Variants in AFF3 observed in about 807,000 individuals in gnomAD.
The protein encoded by AFF3 is AF4/FMR2 family member 3.
A neutral mutation model predicts 129.7 loss-of-function variants in AFF3; 32 were observed. The ratio of observed to expected loss-of-function variants is 0.25; its 90% CI spans 0.19 to 0.33. The LOEUF (loss-of-function observed/expected upper bound fraction) is 0.33. Among genes scored for constraint, AFF3 ranks in the 10% least tolerant of loss-of-function variants. The pLI, the probability that AFF3 is intolerant of heterozygous loss-of-function variation, is 1.00. For synonymous variants in AFF3, 644 were observed against 635.4 expected (o/e 1.01, Z -0.20); for missense variants, 1,373 against 1,592.0 (o/e 0.86, Z 2.34).
At position 99,691,689 on chromosome 2, in the gene AFF3, C is replaced by G. The variant is rs140812449; in HGVS notation, c.1092-19100G>C. Among the ~76,000 whole-genome samples, 317 of 152,248 alleles carry G rather than the reference C, an allele frequency of 2.1e-3. 4 individuals are homozygous for G. The East Asian group carries it at 0.032, about 16-fold the overall frequency. On this transcript the variant is annotated intron_variant, in intron 11 of 24. Transcript: ENST00000672756. Reference sequence around the variant, plus strand: ...AGTAAAGTTGTATCACTTATCCTTCCTGTGGGGATAGAGTTGCAAAAATGC... The same window carrying G: ...AGTAAAGTTGTATCACTTATCCTTCGTGTGGGGATAGAGTTGCAAAAATGC...
At chr2:99,789,446 C>CAAAAA (rs34653301) in intron 8 of AFF3, among the ~76,000 whole-genome samples, 7 of 62,030 alleles carry the variant, frequency 1.1e-4, no homozygotes, top group African/African-American at 4.1e-4. Context: ...GCCCTGTCAC[C>CAAAAA]AAAAAAAAAA....
At chr2:99,634,516 G>A (rs1021076967) in intron 13 of AFF3, among the ~76,000 whole-genome samples, 3 of 152,128 alleles carry the variant, frequency 2.0e-5, no homozygotes, top group African/African-American at 7.2e-5. Flanking sequence ...AACAATATAT[G>A]GGCAGGGTTC....
chr2:99,687,231 T>C (rs1675151176), intron 11 of AFF3, among the ~76,000 whole-genome samples: 1 of 152,222 alleles, frequency 6.6e-6, no homozygotes, highest in African/African-American at 2.4e-5. Flanking sequence ...CTGAGGCACT[T>C]TGATCATTGT....
intron 7 of AFF3, among the ~76,000 whole-genome samples, chr2:99,957,766 A>C (rs1426059691): frequency 6.6e-6 from 1 of 152,196 alleles, no homozygotes; most frequent in Non-Finnish European, 1.5e-5. Context: ...GTGTGGAAAC[A>C]AAGGCTTGGT....
chr2:99,849,650 T>C (rs1690001391), intron 7 of AFF3, among the ~76,000 whole-genome samples: 2 of 152,214 alleles, frequency 1.3e-5, no homozygotes, highest in Non-Finnish European at 2.9e-5. Flanking sequence ...GATTATTTTA[T>C]TTTAGAATTA....
At chr2:100,112,204 C>T (rs954472966) in intron 2 of AFF3, among the ~76,000 whole-genome samples, 1 of 152,126 alleles carries the variant, frequency 6.6e-6, no homozygotes, top group Non-Finnish European at 1.5e-5. Context: ...ACAGAGAGGG[C>T]GAGTCAGTCT....
chr2:99,918,143 T>C (rs556663193), intron 7 of AFF3, among the ~76,000 whole-genome samples: 102 of 152,304 alleles, frequency 6.7e-4, no homozygotes, highest in African/African-American at 2.4e-3. Context: ...TATTTACTGG[T>C]TGCAGTTACA....
At chr2:99,637,729 C>T (rs575425791) in intron 13 of AFF3, among the ~76,000 whole-genome samples, 12 of 152,324 alleles carry the variant, frequency 7.9e-5, no homozygotes, top group Admixed American at 2.6e-4. Context: ...GTAGGGTAGA[C>T]AGCAGTGACA....
At chr2:100,128,778 CA>C (rs1692304529) in intron 2 of AFF3, among the ~76,000 whole-genome samples, 1 of 152,182 alleles carries the variant, frequency 6.6e-6, no homozygotes. Context: ...ATGGCCCTGT[CA>C]AAAGGTTTCG....
At chr2:99,698,588 T>A in intron 11 of AFF3, among the ~76,000 whole-genome samples, 1 of 152,232 alleles carries the variant, frequency 6.6e-6, no homozygotes, top group East Asian at 1.9e-4. Context: ...CAATAATTGC[T>A]ATCCATTTAA....
At chr2:99,718,546 T>C (rs1678587170) in intron 11 of AFF3, among the ~76,000 whole-genome samples, 1 of 152,052 alleles carries the variant, frequency 6.6e-6, no homozygotes, top group African/African-American at 2.4e-5. Flanking sequence ...TAGTAGTCCT[T>C]AGATTCTTAG....
chr2:99,965,319 AG>A (rs1442935848), intron 7 of AFF3, among the ~76,000 whole-genome samples: 1 of 152,218 alleles, frequency 6.6e-6, no homozygotes, highest in Non-Finnish European at 1.5e-5. Flanking sequence ...AACTACTTCC[AG>A]GGGAAAAGAA....
Position 99,942,101 on chromosome 2 carries a change from T to C in AFF3, c.873+64531A>G, listed in dbSNP as rs551097551. Reference sequence around the variant, plus strand: ...AGGCAGCCGCAGTCATCCCTTTCTCTAGTGAATCGTTCAGCACTTACTGAG... The same window carrying C: ...AGGCAGCCGCAGTCATCCCTTTCTCCAGTGAATCGTTCAGCACTTACTGAG... On this transcript the variant is annotated intron_variant, in intron 7 of 24. Transcript: ENST00000672756. Among the ~76,000 whole-genome samples the C allele has an allele frequency of 3.9e-4, 59 of 152,302 alleles. No individual in the cohort carries two copies. In the South Asian group the frequency reaches 9.3e-3, roughly 24 times the overall value.
chr2:99,716,240 C>T (rs147097449), intron 11 of AFF3, among the ~76,000 whole-genome samples: 163 of 152,240 alleles, frequency 1.1e-3, no homozygotes, highest in African/African-American at 3.8e-3. Context: ...AGGATGTTGA[C>T]CTACTGCTTT....
chr2:99,575,558 G>A (rs1195552553), intron 18 of AFF3, among the ~76,000 whole-genome samples: 2 of 151,974 alleles, frequency 1.3e-5, no homozygotes, highest in African/African-American at 4.8e-5. Context: ...ACCGCGCCTG[G>A]CCTATTTTTG....
At chr2:99,590,145 A>G (rs1301004992) in intron 15 of AFF3, among the ~76,000 whole-genome samples, 1 of 152,238 alleles carries the variant, frequency 6.6e-6, no homozygotes, top group East Asian at 1.9e-4. Context: ...GGGGATTTCA[A>G]GACCCTCTTT....
chr2:99,603,636 C>G (rs1323658775), intron 13 of AFF3, among the ~76,000 whole-genome samples: 1 of 152,174 alleles, frequency 6.6e-6, no homozygotes, highest in African/African-American at 2.4e-5. Context: ...CAAGTGACAT[C>G]TAATTAAGCT....
At chr2:99,816,574 G>A (rs997384777) in intron 8 of AFF3, among the ~76,000 whole-genome samples, 11 of 152,246 alleles carry the variant, frequency 7.2e-5, no homozygotes, top group Middle Eastern at 6.8e-3. Flanking sequence ...TATCTGCTTG[G>A]CTATGAGTGT....
chr2:99,892,488 G>T (rs1027141907), intron 7 of AFF3, among the ~76,000 whole-genome samples: 2 of 152,098 alleles, frequency 1.3e-5, no homozygotes, highest in Non-Finnish European at 2.9e-5. Context: ...AAAGTTTAAA[G>T]AATTTTTTCA....
Sources: allele counts gnomAD v4.1 joint callset (sites outside exome capture counted in the v4.1 genomes callset), GRCh38; gene constraint gnomAD v4.1.1; transcripts MANE v1.5; gene names NCBI Gene and HGNC (gene_info 2026-07-23, HGNC 2026-07-21).